The following ADARB2 variants were observed in gnomAD, a reference collection of about 807,000 sequenced individuals.
ADARB2 encodes the protein inactive double-stranded RNA-specific editase B2.
ADARB2 carries 25 observed loss-of-function variants against 62.2 expected under a neutral mutation model. The observed-to-expected ratio is 0.40, with a 90% CI of 0.29 to 0.56. ADARB2 has a LOEUF of 0.56. Ranked by LOEUF, ADARB2 falls within the 20% of genes least tolerant of loss-of-function variation. The pLI is 0.43. For synonymous variants in ADARB2, 572 were observed against 500.8 expected (o/e 1.14, Z -1.90); for missense variants, 1,071 against 1,077.4 (o/e 0.99, Z 0.08).
chr10:1,576,141 G>GGGGCATCAGGGGCACAGGA (rs1833016796), intron 1 of ADARB2, among the ~76,000 whole-genome samples: 1 of 129,572 alleles, frequency 7.7e-6, no homozygotes, highest in Admixed American at 7.4e-5. Context: ...GGTCACAAGA[G>GGGGCATCAGGGGCACAGGA]GGGGGTCCAC....
chr10:1,644,224 G>C (rs952461640), intron 1 of ADARB2, among the ~76,000 whole-genome samples: 2 of 152,184 alleles, frequency 1.3e-5, no homozygotes, highest in African/African-American at 4.8e-5. Context: ...CTTCCTCCAG[G>C]CTGCAGCCGC....
intron 4 of ADARB2, among the ~76,000 whole-genome samples, chr10:1,245,796 A>G (rs1830981131): frequency 1.3e-5 from 2 of 152,046 alleles, no homozygotes; most frequent in Non-Finnish European, 2.9e-5. Context: ...CACAATAAAC[A>G]TATGTGTGCA....
intron 1 of ADARB2, among the ~76,000 whole-genome samples, chr10:1,554,542 T>TC (rs938582291): frequency 1.3e-4 from 19 of 151,798 alleles, no homozygotes; most frequent in African/African-American, 4.4e-4. Flanking sequence ...ACAACTTTCT[T>TC]CCCCCGGGGG....
intron 1 of ADARB2, among the ~76,000 whole-genome samples, chr10:1,631,172 GC>G (rs1833837976): frequency 6.6e-6 from 1 of 152,164 alleles, no homozygotes; most frequent in African/African-American, 2.4e-5. Flanking sequence ...TGTGCCAGGT[GC>G]CTCCACGTGG....
At chr10:1,350,765 G>A (rs141650976) in intron 3 of ADARB2, among the ~76,000 whole-genome samples, 11,401 of 151,978 alleles carry the variant, frequency 0.075, 781 homozygotes, top group African/African-American at 0.18. Context: ...TACCCAATCC[G>A]CTCCCGACAT....
intron 1 of ADARB2, among the ~76,000 whole-genome samples, chr10:1,414,210 G>A (rs2131881096): frequency 6.6e-6 from 1 of 152,352 alleles, no homozygotes; most frequent in Non-Finnish European, 1.5e-5. Flanking sequence ...TAAGCACTTA[G>A]CTGATGGGCA....
intron 1 of ADARB2, among the ~76,000 whole-genome samples, chr10:1,666,562 G>A (rs774625657): frequency 3.9e-5 from 6 of 152,212 alleles, no homozygotes; most frequent in South Asian, 4.1e-4. Context: ...ATGGTCTGCC[G>A]CATCTGGGGT....
At chr10:1,418,303 G>A (rs1832822487) in intron 1 of ADARB2, among the ~76,000 whole-genome samples, 1 of 152,208 alleles carries the variant, frequency 6.6e-6, no homozygotes. Context: ...GGTGGGCTCA[G>A]GGTCAGGCCT....
chr10:1,593,532 A>AT (rs1833294896), intron 1 of ADARB2, among the ~76,000 whole-genome samples: 1 of 152,232 alleles, frequency 6.6e-6, no homozygotes, highest in South Asian at 2.1e-4. Context: ...AGCAATGACA[A>AT]TTTTTTAAAA....
At chr10:1,687,202 T>G (rs1347896374) in intron 1 of ADARB2, among the ~76,000 whole-genome samples, 1 of 152,128 alleles carries the variant, frequency 6.6e-6, no homozygotes, top group Non-Finnish European at 1.5e-5. Flanking sequence ...ATTTTTGTAT[T>G]TTTAGCAGAA....
At chr10:1,401,141 C>T (rs572826848) in intron 1 of ADARB2, among the ~76,000 whole-genome samples, 66 of 152,168 alleles carry the variant, frequency 4.3e-4, no homozygotes, top group African/African-American at 1.3e-3. Flanking sequence ...CCACAAACAC[C>T]GTCAGGCCCA....
At chr10:1,208,769 C>T (rs1450224179) in intron 7 of ADARB2, among the ~76,000 whole-genome samples, 2 of 152,226 alleles carry the variant, frequency 1.3e-5, no homozygotes, top group African/African-American at 4.8e-5. Flanking sequence ...GGACACAGTT[C>T]TAAGTGCCAC....
At chr10:1,616,955 T>C (rs925592922) in intron 1 of ADARB2, among the ~76,000 whole-genome samples, 104 of 150,298 alleles carry the variant, frequency 6.9e-4, no homozygotes, top group African/African-American at 2.4e-3. Context: ...TGCTGTGCTC[T>C]GCATCCTGGG....
At chr10:1,203,361 C>T (rs186154809) in intron 7 of ADARB2, among the ~76,000 whole-genome samples, 1 of 152,300 alleles carries the variant, frequency 6.6e-6, no homozygotes, top group East Asian at 1.9e-4. Flanking sequence ...GTTGACGACA[C>T]CTCAGGCTGT....
chr10:1,452,625 G>T (rs1455432015), intron 1 of ADARB2, among the ~76,000 whole-genome samples: 2 of 132,394 alleles, frequency 1.5e-5, no homozygotes, highest in African/African-American at 2.8e-5. Context: ...GTTGGGGGGG[G>T]GAATATCACA....
At chr10:1,715,035 A>G (rs1293208546) in intron 1 of ADARB2, among the ~76,000 whole-genome samples, 1 of 118,460 alleles carries the variant, frequency 8.4e-6, no homozygotes, top group African/African-American at 3.3e-5. Context: ...CCGGTGTGTG[A>G]TGTTCCCAAC....
chr10:1,390,357 A>T (rs928375718), intron 1 of ADARB2, among the ~76,000 whole-genome samples: 1 of 152,180 alleles, frequency 6.6e-6, no homozygotes, highest in African/African-American at 2.4e-5. Context: ...AAATGAAAAG[A>T]TGCTGTATTT....
At chr10:1,298,482 C>A (rs1308995662) in intron 3 of ADARB2, among the ~76,000 whole-genome samples, 1 of 152,074 alleles carries the variant, frequency 6.6e-6, no homozygotes, top group Non-Finnish European at 1.5e-5. Flanking sequence ...GATGCTATTG[C>A]GCTTAAAACC....
At chr10:1,448,734 T>C (rs1006776811) in intron 1 of ADARB2, among the ~76,000 whole-genome samples, 4 of 152,192 alleles carry the variant, frequency 2.6e-5, no homozygotes, top group African/African-American at 9.6e-5. Flanking sequence ...CTGTGCCTTA[T>C]ATGGCCTTGG....
Sources: allele counts gnomAD v4.1 joint callset (sites outside exome capture counted in the v4.1 genomes callset), GRCh38; gene constraint gnomAD v4.1.1; transcripts MANE v1.5; gene names NCBI Gene and HGNC (gene_info 2026-07-23, HGNC 2026-07-21).